The following GNAZ variants were observed in gnomAD, a reference collection of about 807,000 sequenced individuals.
GNAZ encodes the protein G protein subunit alpha z.
In GNAZ, 3 loss-of-function variants were observed where a neutral mutation model predicts 25.4. The ratio of observed to expected loss-of-function variants is 0.12; its 90% CI spans 0.05 to 0.30. The LOEUF is 0.30. GNAZ is among the 10% of genes least tolerant of loss of function. GNAZ has a pLI of 1.00. For missense variants in GNAZ, 241 were observed against 501.8 expected, an observed-to-expected ratio of 0.48 and a Z score of 4.97; for synonymous variants, 211 against 205.7, an observed-to-expected ratio of 1.03 and a Z score of -0.22.
intron 2 of GNAZ, among the ~76,000 whole-genome samples, chr22:23,109,192 G>A (rs1007335985): frequency 5.3e-5 from 8 of 152,182 alleles, no homozygotes; most frequent in African/African-American, 1.9e-4. Flanking sequence ...CAGCTACCAG[G>A]ACCCGAGCCT....
At chr22:23,091,364 G>A (rs1273797324) in intron 1 of GNAZ, among the ~76,000 whole-genome samples, 2 of 151,684 alleles carry the variant, frequency 1.3e-5, no homozygotes, top group East Asian at 1.9e-4. Context: ...ATGCATACAC[G>A]CACACATACC....
chr22:23,113,426 C>T (rs887965473), intron 2 of GNAZ, among the ~76,000 whole-genome samples: 1 of 152,252 alleles, frequency 6.6e-6, no homozygotes, highest in African/African-American at 2.4e-5. Context: ...CCTGCCCATA[C>T]CCCTTTGGCC....
Position 23,087,616 on chromosome 22 carries a change from T to C in GNAZ, c.-449-7631T>C, listed in dbSNP as rs187046799. On this transcript the variant is annotated intron_variant, in intron 1 of 2. Coordinates refer to ENST00000615612, the MANE Select transcript of GNAZ (RefSeq NM_002073.4). ...GTTATTATTACTCAAATCAGTCTCCTGGAGCATTCAGGAAGCAAAGTTTTT... is the reference window on the plus strand; with the variant it reads ...GTTATTATTACTCAAATCAGTCTCCCGGAGCATTCAGGAAGCAAAGTTTTT... Among the ~76,000 whole-genome samples the C allele has an allele frequency of 2.6e-4, 39 of 152,332 alleles. 1 individual carries two copies. Among genetic ancestry groups the C allele is most frequent in the Middle Eastern group, 6.8e-3 (2 of 294 alleles).
At chr22:23,104,912 C>G (rs1023374333) in intron 2 of GNAZ, among the ~76,000 whole-genome samples, 1 of 152,192 alleles carries the variant, frequency 6.6e-6, no homozygotes, top group Non-Finnish European at 1.5e-5. Context: ...TCAGGGGGGA[C>G]ACCCAGTGTT....
intron 1 of GNAZ, among the ~76,000 whole-genome samples, chr22:23,082,591 C>T (rs1725813385): frequency 6.6e-6 from 1 of 152,012 alleles, no homozygotes; most frequent in African/African-American, 2.4e-5. Flanking sequence ...AGGTTGTAAA[C>T]CAGGAGTCTA....
At chr22:23,116,715 C>T (rs2069846927) in intron 2 of GNAZ, among the ~76,000 whole-genome samples, 1 of 152,210 alleles carries the variant, frequency 6.6e-6, no homozygotes, top group Non-Finnish European at 1.5e-5. Flanking sequence ...CCACCCCCAG[C>T]CCAGGCGCTT....
chr22:23,115,713 C>T (rs2069811775), intron 2 of GNAZ, among the ~76,000 whole-genome samples: 1 of 152,178 alleles, frequency 6.6e-6, no homozygotes, highest in African/African-American at 2.4e-5. Flanking sequence ...AGGGGCCCCA[C>T]CTGAAGTTGG....
chr22:23,076,972 G>A (rs1156520781), intron 1 of GNAZ, among the ~76,000 whole-genome samples: 1 of 152,206 alleles, frequency 6.6e-6, no homozygotes, highest in Non-Finnish European at 1.5e-5. Flanking sequence ...TCTGGGCTGG[G>A]TCAAGTGTAC....
At chr22:23,110,521 A>C (rs1038736151) in intron 2 of GNAZ, among the ~76,000 whole-genome samples, 1 of 152,004 alleles carries the variant, frequency 6.6e-6, no homozygotes, top group Non-Finnish European at 1.5e-5. Context: ...CAGGTCCTTA[A>C]AGAGACAGAG....
intron 1 of GNAZ, among the ~76,000 whole-genome samples, chr22:23,088,315 G>A (rs2068870875): frequency 6.6e-6 from 1 of 152,108 alleles, no homozygotes; most frequent in African/African-American, 2.4e-5. Flanking sequence ...GCTTGGGGTT[G>A]GAGCCTTACC....
intron 1 of GNAZ, among the ~76,000 whole-genome samples, chr22:23,084,288 A>G (rs2068758251): frequency 1.3e-5 from 2 of 152,188 alleles, no homozygotes; most frequent in East Asian, 1.9e-4. Flanking sequence ...TACTCATACA[A>G]CCATTCATTC....
At chr22:23,083,646 G>T (rs545657837) in intron 1 of GNAZ, among the ~76,000 whole-genome samples, 3 of 152,292 alleles carry the variant, frequency 2.0e-5, no homozygotes, top group East Asian at 3.9e-4. Context: ...AGCCATTGGA[G>T]GCGAAGGTGG....
Position 23,095,598 on chromosome 22 carries a change from C to A in GNAZ, c.-98C>A. The A allele has an allele frequency of 7.3e-7, 1 of 1,371,764 alleles. No individual in the cohort carries two copies. The allele number at this position is 1,371,764 out of a possible 1,614,324, so 85.0% of individuals were successfully genotyped here. On this transcript the variant is annotated 5_prime_UTR_variant, in exon 2 of 3. Coordinates refer to ENST00000615612, the MANE Select transcript of GNAZ (RefSeq NM_002073.4). The stretch of plus-strand genomic sequence containing the variant: ...CTGCTGGCACTGAGTGCCTCCAGGG[C>A]AGCTGGGCTCTTGTCTGCCTGGTCT...
intron 1 of GNAZ, among the ~76,000 whole-genome samples, chr22:23,073,414 G>A (rs2068425872): frequency 1.3e-5 from 2 of 152,252 alleles, no homozygotes; most frequent in African/African-American, 4.8e-5. Flanking sequence ...GGAGCACCCA[G>A]ACTGTTGTGG....
At chr22:23,102,849 C>T (rs2069346333) in intron 2 of GNAZ, among the ~76,000 whole-genome samples, 1 of 152,218 alleles carries the variant, frequency 6.6e-6, no homozygotes, top group African/African-American at 2.4e-5. Context: ...CTTGGCAGAA[C>T]CTCCATGGGG....
chr22:23,101,981 T>C (rs2069314851), intron 2 of GNAZ, among the ~76,000 whole-genome samples: 1 of 152,196 alleles, frequency 6.6e-6, no homozygotes, highest in Non-Finnish European at 1.5e-5. Flanking sequence ...CTATGGCCTG[T>C]TATCCTACCC....
intron 2 of GNAZ, among the ~76,000 whole-genome samples, chr22:23,120,008 GC>G (rs1270220325): frequency 1.3e-5 from 2 of 152,194 alleles, no homozygotes; most frequent in Non-Finnish European, 2.9e-5. Flanking sequence ...ACAAGCAGGG[GC>G]CTGAGCTGAG....
At chr22:23,073,698 C>T (rs2068434256) in intron 1 of GNAZ, among the ~76,000 whole-genome samples, 1 of 152,210 alleles carries the variant, frequency 6.6e-6, no homozygotes, top group African/African-American at 2.4e-5. Flanking sequence ...GACATCAGCC[C>T]TCTGGACTGA....
chr22:23,123,037 GTCTC>G (rs757606624), intron 2 of GNAZ, 46 bp from the exon 3 acceptor site: 2 of 1,266,366 alleles, frequency 1.6e-6, no homozygotes, highest in African/African-American at 2.9e-5. Context: ...TCTAGGGTCT[GTCTC>G]TGCCTGCTGC....
Sources: allele counts gnomAD v4.1 joint callset (sites outside exome capture counted in the v4.1 genomes callset), GRCh38; gene constraint gnomAD v4.1.1; transcripts MANE v1.5; gene names NCBI Gene and HGNC (gene_info 2026-07-23, HGNC 2026-07-21).